The following MTA3 variants were observed in gnomAD, a reference collection of about 807,000 sequenced individuals.
The protein encoded by MTA3 is metastasis-associated protein MTA3.
Under a neutral mutation model 83.5 loss-of-function variants are expected in MTA3, and 34 were observed. The ratio of observed to expected loss-of-function variants is 0.41; its 90% CI spans 0.31 to 0.54. The LOEUF (loss-of-function observed/expected upper bound fraction) is 0.54. MTA3 is among the 20% of genes least tolerant of loss of function. The pLI, the probability that MTA3 is intolerant of heterozygous loss-of-function variation, is 0.33. For missense variants in MTA3, 761 were observed against 726.4 expected, an observed-to-expected ratio of 1.05 and a Z score of -0.55; for synonymous variants, 303 against 252.7, an observed-to-expected ratio of 1.20 and a Z score of -1.89.
chr2:42,709,049 C>T lies in MTA3; in HGVS notation c.1478C>T (p.Ala493Val). Reference sequence around the variant, plus strand: ...AATACCCTCCGGCTGCGGCAGGCAGCAAGACGGCCGTTTGTTGCTATTAAT... The same window carrying T: ...AATACCCTCCGGCTGCGGCAGGCAGTAAGACGGCCGTTTGTTGCTATTAAT... ...CKNTLRLRQAARRPFVAINYA... is the reference protein window; with the variant it reads ...CKNTLRLRQAVRRPFVAINYA... Residue 493 changes from alanine to valine, a missense_variant, in exon 14 of 17, where the codon GCA becomes GTA. Physicochemically the swap from Ala to Val is moderately conservative, Grantham distance 64. Transcript: ENST00000405094. 6.2e-7 allele frequency: 1 copy of T among 1,613,380 alleles called. No individual in the cohort carries two copies. Among genetic ancestry groups the T allele is most frequent in the East Asian group, 2.2e-5 (1 of 44,860 alleles).
At chr2:42,508,721 G>C (rs1183917554) in intron 2 of MTA3, among the ~76,000 whole-genome samples, 2 of 148,060 alleles carry the variant, frequency 1.4e-5, no homozygotes, top group Non-Finnish European at 1.5e-5. Flanking sequence ...TAGTTAAGGG[G>C]GGAATATGTT....
intron 4 of MTA3, among the ~76,000 whole-genome samples, chr2:42,639,704 A>G (rs1687530435): frequency 6.6e-6 from 1 of 152,184 alleles, no homozygotes; most frequent in Admixed American, 6.5e-5. Context: ...AATGTGTATT[A>G]TTTTTAGGTT....
intron 4 of MTA3, among the ~76,000 whole-genome samples, chr2:42,625,981 C>T (rs1290298995): frequency 4.5e-5 from 6 of 133,504 alleles, no homozygotes; most frequent in Non-Finnish European, 4.6e-5. Context: ...CCTGCTTTGT[C>T]GCCCAGGCTG....
chr2:42,623,483 G>T (rs917534368), intron 4 of MTA3, among the ~76,000 whole-genome samples: 1 of 152,178 alleles, frequency 6.6e-6, no homozygotes, highest in African/African-American at 2.4e-5. Flanking sequence ...TCTAGAGGCA[G>T]TGCTCTCCTA....
chr2:42,668,385 C>G (rs1047639895), intron 8 of MTA3, among the ~76,000 whole-genome samples: 1 of 152,210 alleles, frequency 6.6e-6, no homozygotes, highest in Non-Finnish European at 1.5e-5. Flanking sequence ...CCTGTCCTTA[C>G]TGGGAGAGAG....
intron 2 of MTA3, among the ~76,000 whole-genome samples, chr2:42,501,263 A>G (rs1421210907): frequency 6.6e-6 from 1 of 152,216 alleles, no homozygotes; most frequent in Non-Finnish European, 1.5e-5. Context: ...TGCATTATGC[A>G]TTACATAGAT....
intron 4 of MTA3, among the ~76,000 whole-genome samples, chr2:42,610,846 C>T (rs974945973): frequency 6.6e-6 from 1 of 152,120 alleles, no homozygotes. Context: ...CAGTGTTTCA[C>T]TCCTCTTAGG....
At chr2:42,677,860 C>T (rs992250345) in intron 8 of MTA3, among the ~76,000 whole-genome samples, 5 of 152,268 alleles carry the variant, frequency 3.3e-5, no homozygotes, top group South Asian at 2.1e-4. Context: ...TAATACAGTG[C>T]GCTCCCTCCC....
chr2:42,741,998 A>G (rs1479893452), intron 16 of MTA3, among the ~76,000 whole-genome samples: 2 of 152,240 alleles, frequency 1.3e-5, no homozygotes, highest in South Asian at 2.1e-4. Flanking sequence ...GCAAAGCTTA[A>G]TAAAACTACA....
At chr2:42,647,155 T>TAAAAAAAAAAAACAAAAAAAAAAAAAAA (rs762680843) in intron 6 of MTA3, among the ~76,000 whole-genome samples, 2 of 92,066 alleles carry the variant, frequency 2.2e-5, no homozygotes, top group African/African-American at 1.0e-4. Context: ...AGACTCTGTC[T>TAAAAAAAAAAAACAAAAAAAAAAAAAAA]AAAAAAAAAA....
intron 16 of MTA3, among the ~76,000 whole-genome samples, chr2:42,732,810 A>C (rs982604447): frequency 6.6e-6 from 1 of 152,230 alleles, no homozygotes; most frequent in African/African-American, 2.4e-5. Flanking sequence ...TCTCAAGTTC[A>C]AAGTTCCACA....
intron 15 of MTA3, among the ~76,000 whole-genome samples, chr2:42,720,951 C>CAAAAAAAAA (rs377702701): frequency 2.7e-4 from 19 of 69,580 alleles, no homozygotes; most frequent in Non-Finnish European, 3.6e-4. Context: ...GACCCTGTCT[C>CAAAAAAAAA]AAAAAAAAAA....
intron 3 of MTA3, among the ~76,000 whole-genome samples, chr2:42,601,142 C>G (rs1245717493): frequency 6.6e-6 from 1 of 151,796 alleles, no homozygotes; most frequent in Non-Finnish European, 1.5e-5. Flanking sequence ...CTTGATCTCA[C>G]GATCTACCCG....
At chr2:42,515,482 C>T (rs1316726694) in intron 2 of MTA3, among the ~76,000 whole-genome samples, 1 of 151,988 alleles carries the variant, frequency 6.6e-6, no homozygotes, top group Non-Finnish European at 1.5e-5. Context: ...CTGCATGCAG[C>T]TTCTGTGTAT....
intron 2 of MTA3, among the ~76,000 whole-genome samples, chr2:42,538,009 G>C (rs1015261828): frequency 1.3e-5 from 2 of 152,064 alleles, no homozygotes; most frequent in Non-Finnish European, 2.9e-5. Flanking sequence ...GAGGCAGGCA[G>C]ATCACGAGGT....
chr2:42,710,160 G>GA (rs1456909185), intron 14 of MTA3, among the ~76,000 whole-genome samples: 1 of 152,102 alleles, frequency 6.6e-6, no homozygotes, highest in Non-Finnish European at 1.5e-5. Context: ...AATGATGACT[G>GA]AAAAAAACAT....
chr2:42,656,956 G>C (rs1689224826), intron 7 of MTA3, among the ~76,000 whole-genome samples: 2 of 152,164 alleles, frequency 1.3e-5, no homozygotes, highest in Non-Finnish European at 2.9e-5. Flanking sequence ...AAATAGTGTT[G>C]AGGGTATATA....
intron 9 of MTA3, 79 bp from the exon 10 acceptor site, chr2:42,695,686 T>C (rs2104471359): frequency 1.8e-6 from 1 of 558,952 alleles, no homozygotes; most frequent in South Asian, 2.8e-5. Context: ...TTAAGGAAAG[T>C]ACTTTCTATA....
At position 42,708,129 on chromosome 2, in the gene MTA3, A is replaced by G. The variant is rs1666258566; in HGVS notation, c.1302+75A>G. ...GATTATTCCTTGGAAACAGAAGTAC[A>G]GTATAGGATAATTAAAAAATGAAGA... On this transcript the variant is annotated intron_variant, in intron 13 of 16. Transcript: ENST00000405094. 14 of 1,374,386 alleles carry G rather than the reference A, an allele frequency of 1.0e-5. No homozygotes were observed. In the Admixed American group the frequency reaches 4.1e-4, roughly 40 times the overall value. The allele number at this position is 1,374,386 out of a possible 1,614,324, so 85.1% of individuals were successfully genotyped here.
Sources: gnomAD v4.1 joint callset for allele counts (sites outside exome capture counted in the v4.1 genomes callset) on GRCh38, gnomAD v4.1.1 for gene constraint, MANE v1.5 for transcripts, NCBI Gene and HGNC (gene_info 2026-07-23, HGNC 2026-07-21) for gene names.